DSCAM: variants seen among roughly 807,000 people sequenced by gnomAD.
The protein encoded by DSCAM is cell adhesion molecule DSCAM.
In DSCAM, 47 loss-of-function variants were observed where a neutral mutation model predicts 217.7. The observed-to-expected ratio is 0.22, with a 90% CI of 0.17 to 0.28. DSCAM has a LOEUF of 0.28. Among genes scored for constraint, DSCAM ranks in the 10% least tolerant of loss-of-function variants. The probability of loss-of-function intolerance (pLI) is 1.00; values close to 1 mark genes in which losing one functional copy is unlikely to be tolerated. For synonymous variants in DSCAM, 1,056 were observed against 1,015.3 expected (o/e 1.04, Z -0.76); for missense variants, 2,080 against 2,618.3 (o/e 0.79, Z 4.49).
intron 5 of DSCAM, among the ~76,000 whole-genome samples, chr21:40,351,891 T>C (rs1277312365): frequency 1.3e-5 from 2 of 152,104 alleles, no homozygotes; most frequent in African/African-American, 2.4e-5. Flanking sequence ...TTGGGAAGTG[T>C]TAGATAACCA....
chr21:40,415,803 C>G (rs1429833218), intron 3 of DSCAM, among the ~76,000 whole-genome samples: 2 of 152,122 alleles, frequency 1.3e-5, no homozygotes, highest in African/African-American at 2.4e-5. Context: ...CCTCTCTAAA[C>G]TCTCCCAACC....
chr21:40,493,082 T>C (rs968489137), intron 3 of DSCAM, among the ~76,000 whole-genome samples: 1 of 152,174 alleles, frequency 6.6e-6, no homozygotes, highest in Non-Finnish European at 1.5e-5. Flanking sequence ...GGATGATACA[T>C]GCAGAATGCT....
chr21:40,563,511 AAAAC>A (rs1355931725), intron 3 of DSCAM, among the ~76,000 whole-genome samples: 8 of 143,344 alleles, frequency 5.6e-5, no homozygotes, highest in Admixed American at 4.8e-4. Flanking sequence ...AAAAATTTGT[AAAAC>A]AAAATATATC....
At chr21:40,740,698 C>T (rs1003060301) in intron 1 of DSCAM, among the ~76,000 whole-genome samples, 1 of 152,132 alleles carries the variant, frequency 6.6e-6, no homozygotes, top group Non-Finnish European at 1.5e-5. Context: ...CAACCATAGG[C>T]TTTGAGGTGG....
intron 5 of DSCAM, among the ~76,000 whole-genome samples, chr21:40,351,518 G>A (rs1445480491): frequency 2.0e-5 from 3 of 152,276 alleles, no homozygotes; most frequent in South Asian, 2.1e-4. Context: ...CAAGGAATTC[G>A]AAGCTCTACA....
intron 3 of DSCAM, among the ~76,000 whole-genome samples, chr21:40,681,513 C>A (rs1248243428): frequency 6.8e-6 from 1 of 146,782 alleles, no homozygotes; most frequent in Admixed American, 6.7e-5. Flanking sequence ...TTAAGAATCT[C>A]ATTGAGTATA....
intron 3 of DSCAM, among the ~76,000 whole-genome samples, chr21:40,618,213 C>T (rs1280552230): frequency 6.6e-6 from 1 of 152,056 alleles, no homozygotes; most frequent in Non-Finnish European, 1.5e-5. Context: ...TGATGCCTAT[C>T]GAAATGTGTG....
rs541934267 is a variant in DSCAM, at chr21:40,173,805, AC to A, written c.2947+5121del. On this transcript the variant is annotated intron_variant, in intron 15 of 32. Coordinates refer to ENST00000400454, the MANE Select transcript of DSCAM (RefSeq NM_001389.5). ...TAACTCAGTGCCAGATTCATTGGAA[AC>A]CCAGTGACTCTGCATCATGACCCTT... 4.1e-3 allele frequency among the ~76,000 whole-genome samples: 623 copies of A among 152,050 alleles called. 2 individuals carry two copies. The highest frequency in any genetic ancestry group is 0.014 in the African/African-American group (571 of 41,500).
chr21:40,505,844 TG>T (rs1226598700), intron 3 of DSCAM, among the ~76,000 whole-genome samples: 1 of 152,248 alleles, frequency 6.6e-6, no homozygotes, highest in Non-Finnish European at 1.5e-5. Flanking sequence ...TCCCTCTGTG[TG>T]TGGTGATAAC....
chr21:40,498,338 C>G (rs1473097545), intron 3 of DSCAM, among the ~76,000 whole-genome samples: 1 of 151,878 alleles, frequency 6.6e-6, no homozygotes, highest in Non-Finnish European at 1.5e-5. Context: ...ATACGCCACA[C>G]CTGCTCTGCA....
At chr21:40,759,293 T>C (rs562190631) in intron 1 of DSCAM, among the ~76,000 whole-genome samples, 22 of 152,246 alleles carry the variant, frequency 1.4e-4, no homozygotes, top group African/African-American at 4.8e-4. Flanking sequence ...CCACTCTCCA[T>C]GACCCCATGC....
At chr21:40,123,826 G>A (rs939173090) in intron 20 of DSCAM, among the ~76,000 whole-genome samples, 9 of 151,312 alleles carry the variant, frequency 5.9e-5, no homozygotes, top group African/African-American at 2.2e-4. Flanking sequence ...GGGAGGGAGG[G>A]AAGGCGTGAA....
intron 3 of DSCAM, among the ~76,000 whole-genome samples, chr21:40,524,635 A>G (rs75189953): frequency 0.018 from 2,666 of 152,342 alleles, 61 homozygotes; most frequent in African/African-American, 0.041. Context: ...TTTCTGGTCA[A>G]GAATGACTTT....
Position 40,353,585 on chromosome 21 carries a change from G to A in DSCAM, c.814C>T (p.Gln272Ter). ...ATGAGCAGCCCCGTCACGGTCTTCT[G>A]GAACCTCCCTGAAAGTTCCAGGGGC... Reference protein sequence around the residue: ...NMPLELSGRFQKTVTGLLIEN... With the variant: ...NMPLELSGRF The change falls in exon 5 of 33, where the codon CAG becomes TAG. Residue 272 changes from glutamine (Q) to a stop codon, truncating the protein, a stop_gained. Coordinates refer to ENST00000400454, the MANE Select transcript of DSCAM (RefSeq NM_001389.5). LOFTEE classifies it high-confidence loss of function. 6.2e-7 allele frequency: 1 copy of A among 1,610,322 alleles called. No individual in the cohort carries two copies. Among genetic ancestry groups the A allele is most frequent in the Non-Finnish European group, 8.5e-7 (1 of 1,179,154 alleles).
chr21:40,363,505 G>A (rs552285158), intron 4 of DSCAM, among the ~76,000 whole-genome samples: 2 of 151,908 alleles, frequency 1.3e-5, no homozygotes, highest in South Asian at 2.1e-4. Context: ...TGCCTGCCTC[G>A]GTCTCCCAAA....
intron 27 of DSCAM, among the ~76,000 whole-genome samples, chr21:40,063,142 A>C (rs899169280): frequency 6.6e-6 from 1 of 152,210 alleles, no homozygotes; most frequent in Non-Finnish European, 1.5e-5. Flanking sequence ...TAACATTCTC[A>C]GACATCTACT....
intron 3 of DSCAM, among the ~76,000 whole-genome samples, chr21:40,573,930 A>G (rs1472684882): frequency 1.3e-5 from 2 of 152,188 alleles, no homozygotes; most frequent in African/African-American, 4.8e-5. Flanking sequence ...TGATGCAAGA[A>G]AAAATAGAAC....
chr21:40,769,248 G>A (rs2091423637), intron 1 of DSCAM, among the ~76,000 whole-genome samples: 1 of 152,164 alleles, frequency 6.6e-6, no homozygotes, highest in African/African-American at 2.4e-5. Context: ...CTTGATAGTT[G>A]GTCCTGAGCC....
intron 29 of DSCAM, among the ~76,000 whole-genome samples, chr21:40,054,418 G>A (rs1273348119): frequency 6.6e-6 from 1 of 152,344 alleles, no homozygotes; most frequent in East Asian, 1.9e-4. Context: ...GGAGCCATTA[G>A]GTCAAGATGT....
Sources: gnomAD v4.1 joint callset for allele counts (sites outside exome capture counted in the v4.1 genomes callset) on GRCh38, gnomAD v4.1.1 for gene constraint, MANE v1.5 for transcripts, NCBI Gene and HGNC (gene_info 2026-07-23, HGNC 2026-07-21) for gene names.